Variants in VWA5B1 observed in about 807,000 individuals in gnomAD.
VWA5B1 encodes the protein von Willebrand factor A domain-containing protein 5B1.
In VWA5B1, 115 loss-of-function variants were observed where a neutral mutation model predicts 118.2. The observed-to-expected ratio is 0.97, with a 90% CI of 0.84 to 1.14. VWA5B1 has a LOEUF of 1.14. Among genes scored for constraint, VWA5B1 ranks in the 50% most tolerant of loss-of-function variants. The pLI is 0.00. For missense variants in VWA5B1, 1,596 were observed against 1,603.8 expected (o/e 1.00, Z 0.08); for synonymous variants, 682 against 658.4 (o/e 1.04, Z -0.55).
At chr1:20,306,267 G>A (rs1407213885) in intron 1 of VWA5B1, among the ~76,000 whole-genome samples, 1 of 152,048 alleles carries the variant, frequency 6.6e-6, no homozygotes, top group Non-Finnish European at 1.5e-5. Flanking sequence ...ATGAGCACGT[G>A]CATGTCTAGA....
chr1:20,307,793 C>T (rs1020602152), intron 1 of VWA5B1, among the ~76,000 whole-genome samples: 1 of 144,664 alleles, frequency 6.9e-6, no homozygotes, highest in African/African-American at 2.6e-5. Flanking sequence ...TTATTCTTTC[C>T]AAGGGGTTCT....
At position 20,353,784 on chromosome 1, in the gene VWA5B1, T is replaced by C; in HGVS notation, c.3169T>C (p.Phe1057Leu). ...GTCTCTGCAGCTGGCCTCCGGAGCCTTCCTGCTCAACGAAGCCTTCTGTGA... is the reference window on the plus strand; with the variant it reads ...GTCTCTGCAGCTGGCCTCCGGAGCCCTCCTGCTCAACGAAGCCTTCTGTGA... The part of the protein sequence containing the change: ...LVSLQLASGA[F>L]LLNEAFCEAT... Residue 1057 changes from phenylalanine (F) to leucine (L), a missense_variant, in exon 22 of 22, where the codon TTC (phenylalanine) becomes CTC (leucine). By Grantham distance (22) the Phe-to-Leu change is conservative (BLOSUM62 0). Transcript: ENST00000289815. 1 of 1,468,680 alleles carries C rather than the reference T, an allele frequency of 6.8e-7. No individual in the cohort carries two copies. The highest frequency in any genetic ancestry group is 9.0e-7 in the Non-Finnish European group (1 of 1,107,890). 91.0% of individuals were successfully genotyped at this position (1,468,680 alleles called of 1,614,324 possible). A position where few individuals can be genotyped will look rare whatever the true frequency, so the allele number is the denominator to read the frequency against.
At chr1:20,302,225 C>T (rs1248849231) in intron 1 of VWA5B1, among the ~76,000 whole-genome samples, 1 of 152,030 alleles carries the variant, frequency 6.6e-6, no homozygotes, top group Non-Finnish European at 1.5e-5. Flanking sequence ...CATTCTGTGC[C>T]TTGACTACTC....
At chr1:20,291,349 CTTTCTTTCTT>C (rs1428455190) in intron 1 of VWA5B1, among the ~76,000 whole-genome samples, 83 of 123,956 alleles carry the variant, frequency 6.7e-4, no homozygotes, top group South Asian at 1.3e-3. Context: ...CTCTTTCTTT[CTTTCTTTCTT>C]TCTCTCTCTC....
chr1:20,343,243 G>A lies in VWA5B1; in HGVS notation c.2476G>A (p.Glu826Lys), dbSNP rs903770069. 4 of 1,549,128 alleles carry A rather than the reference G, an allele frequency of 2.6e-6. No individual in the cohort carries two copies. The African/African-American group carries it at 4.1e-5, about 16-fold the overall frequency. The change falls in exon 16 of 22, where the codon GAG becomes AAG. Residue 826 changes from glutamate (E) to lysine (K), a missense_variant. By Grantham distance (56) the Glu-to-Lys change is moderately conservative. Transcript: ENST00000289815. Reference protein sequence around the residue: ...GLHDSQRLQWEVSFELGTPGP... With the variant: ...GLHDSQRLQWKVSFELGTPGP... ...GCACGACAGCCAACGCCTGCAGTGG[G>A]AGGTGAGCTTCGAGCTGGGGACCCC... is the stretch of plus-strand genomic sequence containing the variant.
intron 21 of VWA5B1, among the ~76,000 whole-genome samples, chr1:20,353,465 T>C (rs1214731955): frequency 6.6e-6 from 1 of 152,034 alleles, no homozygotes; most frequent in African/African-American, 2.4e-5. Flanking sequence ...AAGAGGAAGG[T>C]GAGCTGCTAG....
At chr1:20,313,073 G>A (rs749252695) in intron 3 of VWA5B1, 85 bp downstream of exon 3, 1 of 1,482,408 alleles carries the variant, frequency 6.7e-7, no homozygotes, top group Non-Finnish European at 9.1e-7. Flanking sequence ...CAACTGCAAG[G>A]ATAGCAGTGG....
chr1:20,308,005 A>G (rs1477683291), intron 1 of VWA5B1, among the ~76,000 whole-genome samples: 1 of 151,370 alleles, frequency 6.6e-6, no homozygotes, highest in Non-Finnish European at 1.5e-5. Context: ...CCCAATAGTT[A>G]GTTTTTCAAC....
At chr1:20,338,270 T>A in intron 14 of VWA5B1, 1 of 355,128 alleles carries the variant, frequency 2.8e-6, no homozygotes, top group East Asian at 7.4e-5. Flanking sequence ...CAAAGCCTTT[T>A]ATTCCCCCTC....
At chr1:20,317,738 GATGGGA>G in intron 5 of VWA5B1, 63 bp downstream of exon 5, 1 of 1,464,668 alleles carries the variant, frequency 6.8e-7, no homozygotes, top group Non-Finnish European at 9.2e-7. Context: ...GGCTGCCAGG[GATGGGA>G]CGGGGGTGGG....
rs1195280623 is a variant in VWA5B1, at chr1:20,359,272, C to T, written c.*5009C>T. Among the ~76,000 whole-genome samples the T allele has an allele frequency of 2.0e-5, 3 of 152,210 alleles. No homozygotes were observed. The highest frequency in any genetic ancestry group is 2.9e-5 in the Non-Finnish European group (2 of 68,032). On this transcript the variant is annotated 3_prime_UTR_variant, in exon 22 of 22. Coordinates refer to ENST00000289815, the MANE Select transcript of VWA5B1 (RefSeq NM_001039500.3). ...GGCATGCTACCCGTGCCCTTGCCTG[C>T]TCATCTGTAATGTCCCCATAGTGCC...
rs1405318015 is a variant in VWA5B1 at position 20,354,301 on chromosome 1, G to C, written c.*38G>C. ...GAGGCTGGGTGGAGGGAAGGGTGGG[G>C]AGGAGAGGGATGGGCAGGGCCATGT... On this transcript the variant is annotated 3_prime_UTR_variant, in exon 22 of 22. Coordinates refer to ENST00000289815, the MANE Select transcript of VWA5B1 (RefSeq NM_001039500.3). 1.1e-5 allele frequency: 14 copies of C among 1,281,426 alleles called. No individual in the cohort carries two copies. Among genetic ancestry groups the C allele is most frequent in the Non-Finnish European group, 1.3e-5 (12 of 927,648 alleles). The allele number at this position is 1,281,426 out of a possible 1,614,324, so 79.4% of individuals were successfully genotyped here.
In VWA5B1 at chr1:20,354,248, CCCGAATTATGTGTAGT is replaced by C; in HGVS notation, c.3634_*1del. 1 of 1,546,898 alleles carries C rather than the reference CCCGAATTATGTGTAGT, an allele frequency of 6.5e-7. No individual in the cohort carries two copies. ...TCGAGTTCAATATGCTCTGCTATAA[CCCGAATTATGTGTAGT>C]TGAGTGACGGGGAGGCTGGGTGGAG... On this transcript the variant is annotated stop_lost and 3_prime_UTR_variant, in exon 22 of 22. Coordinates refer to ENST00000289815, the MANE Select transcript of VWA5B1 (RefSeq NM_001039500.3).
chr1:20,314,103 A>G (rs1488890690), intron 3 of VWA5B1, among the ~76,000 whole-genome samples: 1 of 152,074 alleles, frequency 6.6e-6, no homozygotes, highest in Non-Finnish European at 1.5e-5. Context: ...CAAGTTTTCC[A>G]CTCCCAGCAA....
At position 20,291,093 on chromosome 1, in the gene VWA5B1, G is replaced by A. The variant is rs746815015; in HGVS notation, c.-27+5G>A. On this transcript the variant is annotated splice_donor_5th_base_variant and intron_variant, in intron 1 of 21. Transcript: ENST00000289815. ...ACGTGTTGCTTCTGGGGTAAGGTAA[G>A]GGCTGGCCCCACTTGTGTCAGGAGG... 6.5e-6 allele frequency: 1 copy of A among 152,966 alleles called. No individual in the cohort carries two copies. 9.5% of individuals were successfully genotyped at this position (152,966 alleles called of 1,614,324 possible). A position where few individuals can be genotyped will look rare whatever the true frequency, so the allele number is the denominator to read the frequency against.
intron 13 of VWA5B1, 53 bp from the exon 14 acceptor site, chr1:20,337,593 A>G: frequency 3.3e-6 from 5 of 1,494,000 alleles, no homozygotes; most frequent in African/African-American, 1.4e-5. Flanking sequence ...TGCAAGCCCC[A>G]CTCTTTCCCT....
chr1:20,303,943 T>C (rs1028954175), intron 1 of VWA5B1, among the ~76,000 whole-genome samples: 4 of 152,216 alleles, frequency 2.6e-5, no homozygotes, highest in African/African-American at 7.2e-5. Context: ...TCCATTCAGC[T>C]TGGCCACTTT....
chr1:20,323,502 C>T lies in VWA5B1; in HGVS notation c.1113C>T (p.Ser371=). 6.6e-7 allele frequency: 1 copy of T among 1,517,336 alleles called. No homozygotes were observed. Among genetic ancestry groups the T allele is most frequent in the East Asian group, 2.6e-5 (1 of 38,070 alleles). The allele number at this position is 1,517,336 out of a possible 1,614,324, so 94.0% of individuals were successfully genotyped here. A position where few individuals can be genotyped will look rare whatever the true frequency, so the allele number is the denominator to read the frequency against. ...EFIFLIDRSS[S]MSGISMHRVK... ...TCTTCCTCATTGACAGGAGCAGCAG[C>T]ATGAGCGGGATCAGCATGCACCGAG... Residue 371 remains serine, a synonymous_variant, in exon 8 of 22, where the codon AGC becomes AGT. Transcript: ENST00000289815.
In VWA5B1 at chr1:20,350,157, C is replaced by A. The variant is rs1326161377; in HGVS notation, c.2880C>A (p.Asp960Glu). 34 of 1,551,134 alleles carry A rather than the reference C, an allele frequency of 2.2e-5. No homozygotes were observed. The East Asian group carries it at 2.2e-4, about 10-fold the overall frequency. The part of the protein sequence containing the change: ...MLGEDSAPGN[D>E]MEASPTALFS... The stretch of plus-strand genomic sequence containing the variant: ...GCCTCACTGGCTCCTCTGTCCTAGA[C>A]ATGGAGGCAAGTCCCACTGCTCTCT... The change falls in exon 19 of 22, where the codon GAC becomes GAA. Residue 960 changes from aspartate (D) to glutamate (E), a missense_variant and splice_region_variant. Asp to Glu is a conservative substitution (Grantham distance 45). Transcript: ENST00000289815.
Sources: allele counts gnomAD v4.1 joint callset (sites outside exome capture counted in the v4.1 genomes callset), GRCh38; gene constraint gnomAD v4.1.1; transcripts MANE v1.5; gene names NCBI Gene and HGNC (gene_info 2026-07-23, HGNC 2026-07-21).